ERBB4: variants seen among roughly 807,000 people sequenced by gnomAD.
ERBB4 encodes the protein receptor tyrosine-protein kinase erbB-4.
In ERBB4, 42 loss-of-function variants were observed where a neutral mutation model predicts 158.0. That is an observed-to-expected ratio of 0.27 (90% CI 0.21 to 0.34). The LOEUF (loss-of-function observed/expected upper bound fraction) is 0.34. ERBB4 is among the 10% of genes least tolerant of loss of function. The pLI, the probability that ERBB4 is intolerant of heterozygous loss-of-function variation, is 1.00. For synonymous variants in ERBB4, 583 were observed against 558.7 expected, an observed-to-expected ratio of 1.04 and a Z score of -0.61; for missense variants, 1,333 against 1,624.1, an observed-to-expected ratio of 0.82 and a Z score of 3.08.
intron 1 of ERBB4, among the ~76,000 whole-genome samples, chr2:212,447,001 T>C (rs1268248248): frequency 2.0e-5 from 3 of 151,506 alleles, no homozygotes; most frequent in African/African-American, 4.8e-5. Flanking sequence ...TTTTCTTTTT[T>C]TTTTTTTTTT....
chr2:212,310,613 G>A (rs759971634), intron 1 of ERBB4, among the ~76,000 whole-genome samples: 2 of 10,852 alleles, frequency 1.8e-4, no homozygotes, highest in East Asian at 0.014. Flanking sequence ...ATGTATATGT[G>A]TGTGTGTGTG....
intron 24 of ERBB4, among the ~76,000 whole-genome samples, chr2:211,421,444 T>C (rs534416715): frequency 1.3e-5 from 2 of 152,036 alleles, no homozygotes; most frequent in Admixed American, 1.3e-4. Flanking sequence ...CAAGTCTATC[T>C]ATTTTTCTAG....
At chr2:212,050,385 T>A (rs981785269) in intron 2 of ERBB4, among the ~76,000 whole-genome samples, 1 of 152,072 alleles carries the variant, frequency 6.6e-6, no homozygotes, top group African/African-American at 2.4e-5. Context: ...ATGAGAAAAA[T>A]TTCATTTCCC....
chr2:212,294,815 C>T lies in ERBB4; in HGVS notation c.83-169912G>A, dbSNP rs142804844. The stretch of plus-strand genomic sequence containing the variant: ...AATAATACAGCTCTATTTGCCTACT[C>T]GAAACAGCTTCTAAAGTCAAGTCAG... On this transcript the variant is annotated intron_variant, in intron 1 of 27. Coordinates refer to ENST00000342788, the MANE Select transcript of ERBB4 (RefSeq NM_005235.3). Among the ~76,000 whole-genome samples the T allele has an allele frequency of 7.4e-3, 1,125 of 152,166 alleles. 12 individuals carry two copies. Among genetic ancestry groups the T allele is most frequent in the Non-Finnish European group, 8.0e-3 (545 of 67,992 alleles).
chr2:211,861,463 G>A (rs72933704), intron 3 of ERBB4, among the ~76,000 whole-genome samples: 27,540 of 147,496 alleles, frequency 0.19, 2,871 homozygotes, highest in South Asian at 0.33. Context: ...TCAGCCTCTC[G>A]AAGTGCTAGG....
chr2:212,276,457 T>A (rs984768923), intron 1 of ERBB4, among the ~76,000 whole-genome samples: 1 of 151,578 alleles, frequency 6.6e-6, no homozygotes, highest in Non-Finnish European at 1.5e-5. Flanking sequence ...AAAAATAGAT[T>A]AGGTAATTAA....
At chr2:211,522,484 G>A (rs1348112524) in intron 20 of ERBB4, among the ~76,000 whole-genome samples, 1 of 152,118 alleles carries the variant, frequency 6.6e-6, no homozygotes, top group African/African-American at 2.4e-5. Context: ...CATGGTGAAG[G>A]CGTTGTGAAC....
intron 16 of ERBB4, among the ~76,000 whole-genome samples, chr2:211,653,483 C>T (rs1217835128): frequency 6.7e-6 from 1 of 148,394 alleles, no homozygotes; most frequent in African/African-American, 2.5e-5. Flanking sequence ...ACCCGCCCCC[C>T]CCCACGCCCG....
intron 3 of ERBB4, among the ~76,000 whole-genome samples, chr2:211,814,532 A>G (rs1257949929): frequency 1.3e-5 from 2 of 152,160 alleles, no homozygotes; most frequent in Non-Finnish European, 2.9e-5. Flanking sequence ...CAATATTTAA[A>G]TTACAAATAC....
chr2:211,399,973 A>T (rs1287428978), intron 25 of ERBB4, among the ~76,000 whole-genome samples: 1 of 152,196 alleles, frequency 6.6e-6, no homozygotes, highest in Non-Finnish European at 1.5e-5. Flanking sequence ...AGGAAGGACC[A>T]TTTTAAAATT....
intron 3 of ERBB4, among the ~76,000 whole-genome samples, chr2:211,852,210 C>T (rs145658653): frequency 3.8e-3 from 579 of 151,758 alleles, no homozygotes; most frequent in African/African-American, 0.013. Context: ...ATACATTGCC[C>T]CATGTTGAAG....
intron 19 of ERBB4, among the ~76,000 whole-genome samples, chr2:211,599,709 C>T (rs1345256866): frequency 1.3e-5 from 2 of 152,126 alleles, no homozygotes; most frequent in African/African-American, 4.8e-5. Context: ...GACAGTACTA[C>T]TGCCAAGCTC....
chr2:211,741,828 T>A (rs2074810577), intron 5 of ERBB4, among the ~76,000 whole-genome samples: 1 of 152,228 alleles, frequency 6.6e-6, no homozygotes, highest in Non-Finnish European at 1.5e-5. Flanking sequence ...TTTAAATCTT[T>A]GAGAAAAGTC....
At chr2:212,524,160 A>G (rs1225641546) in intron 1 of ERBB4, among the ~76,000 whole-genome samples, 1 of 152,030 alleles carries the variant, frequency 6.6e-6, no homozygotes, top group Admixed American at 6.6e-5. Flanking sequence ...GTAATATGAA[A>G]TTTAAAAAAC....
intron 3 of ERBB4, among the ~76,000 whole-genome samples, chr2:211,913,207 C>A (rs2079583634): frequency 6.6e-6 from 1 of 152,140 alleles, no homozygotes; most frequent in Non-Finnish European, 1.5e-5. Flanking sequence ...ACAATATTAT[C>A]TCATGAAGCT....
chr2:211,532,150 G>T (rs1172069960), intron 20 of ERBB4, among the ~76,000 whole-genome samples: 1 of 128,376 alleles, frequency 7.8e-6, no homozygotes, highest in East Asian at 3.5e-4. Context: ...GGGAAGGGTT[G>T]TGGGGGGGGA....
intron 1 of ERBB4, among the ~76,000 whole-genome samples, chr2:212,298,864 A>G (rs1321744246): frequency 6.6e-6 from 1 of 151,696 alleles, no homozygotes; most frequent in African/African-American, 2.4e-5. Context: ...GAAGCCCTCA[A>G]AACTGGGAGG....
intron 7 of ERBB4, among the ~76,000 whole-genome samples, chr2:211,718,270 G>T (rs1207683780): frequency 6.6e-6 from 1 of 152,082 alleles, no homozygotes; most frequent in Non-Finnish European, 1.5e-5. Flanking sequence ...AACAAAAGGT[G>T]TTATTTAAAA....
At chr2:211,902,879 A>C (rs1022641173) in intron 3 of ERBB4, among the ~76,000 whole-genome samples, 2 of 152,012 alleles carry the variant, frequency 1.3e-5, no homozygotes, top group African/African-American at 4.8e-5. Context: ...AACAACTCAG[A>C]AAGTACCATT....
Sources: allele counts gnomAD v4.1 joint callset (sites outside exome capture counted in the v4.1 genomes callset), GRCh38; gene constraint gnomAD v4.1.1; transcripts MANE v1.5; gene names NCBI Gene and HGNC (gene_info 2026-07-23, HGNC 2026-07-21).